CDKAL1: variants seen among roughly 807,000 people sequenced by gnomAD.
CDKAL1 encodes the protein CDKAL1 threonylcarbamoyladenosine tRNA methylthiotransferase.
CDKAL1 carries 32 observed loss-of-function variants against 68.2 expected under a neutral mutation model. The ratio of observed to expected loss-of-function variants is 0.47; its 90% CI spans 0.35 to 0.63. CDKAL1 has a LOEUF of 0.63. Among genes scored for constraint, CDKAL1 ranks in the 30% least tolerant of loss-of-function variants. CDKAL1 has a pLI of 0.00. For missense variants in CDKAL1, 606 were observed against 696.7 expected (o/e 0.87, Z 1.47); for synonymous variants, 234 against 244.3 (o/e 0.96, Z 0.39).
chr6:20,724,437 C>G (rs966615054), intron 5 of CDKAL1, among the ~76,000 whole-genome samples: 1 of 152,046 alleles, frequency 6.6e-6, no homozygotes, highest in Non-Finnish European at 1.5e-5. Flanking sequence ...AAATTTGAGA[C>G]CAGGTACAGT....
At chr6:21,033,972 A>AAGCAGCAGC (rs35161624) in intron 11 of CDKAL1, among the ~76,000 whole-genome samples, 1 of 151,520 alleles carries the variant, frequency 6.6e-6, no homozygotes, top group Non-Finnish European at 1.5e-5. Flanking sequence ...AATAGTGAGG[A>AAGCAGCAGC]AGCAGCAGCA....
chr6:20,586,526 T>C (rs1379592967), intron 4 of CDKAL1, among the ~76,000 whole-genome samples: 2 of 152,066 alleles, frequency 1.3e-5, no homozygotes, highest in Non-Finnish European at 2.9e-5. Flanking sequence ...TAATCCCAGC[T>C]ACTTGAGAGG....
At chr6:20,722,450 C>T in intron 5 of CDKAL1, 1 of 297,864 alleles carries the variant, frequency 3.4e-6, no homozygotes, top group South Asian at 3.9e-5. Context: ...AGCCTCATCA[C>T]AGTCTTCTTT....
chr6:20,695,490 C>A (rs76209409), intron 5 of CDKAL1, among the ~76,000 whole-genome samples: 2,278 of 152,242 alleles, frequency 0.015, 47 homozygotes, highest in African/African-American at 0.052. Context: ...AAATACACAT[C>A]ATTTTCTCCA....
At chr6:20,955,978 T>G (rs1393141134) in intron 10 of CDKAL1, among the ~76,000 whole-genome samples, 2 of 152,192 alleles carry the variant, frequency 1.3e-5, no homozygotes, top group Non-Finnish European at 2.9e-5. Context: ...AAACTACTGT[T>G]AGCCATATCA....
intron 10 of CDKAL1, among the ~76,000 whole-genome samples, chr6:20,992,332 G>T (rs1766873420): frequency 6.6e-6 from 1 of 151,874 alleles, no homozygotes; most frequent in Non-Finnish European, 1.5e-5. Flanking sequence ...CTCCCAAAGT[G>T]CTGGGATTAC....
chr6:20,821,824 G>C (rs1366103612), intron 8 of CDKAL1, among the ~76,000 whole-genome samples: 1 of 152,118 alleles, frequency 6.6e-6, no homozygotes, highest in Non-Finnish European at 1.5e-5. Context: ...CTTGGTACCT[G>C]ACATAAAATA....
intron 8 of CDKAL1, among the ~76,000 whole-genome samples, chr6:20,843,172 T>A (rs553287374): frequency 6.6e-6 from 1 of 152,104 alleles, no homozygotes; most frequent in Admixed American, 6.6e-5. Flanking sequence ...AATTATTTCC[T>A]CACAGAATTG....
At chr6:20,892,578 A>G (rs1388144279) in intron 9 of CDKAL1, among the ~76,000 whole-genome samples, 1 of 152,156 alleles carries the variant, frequency 6.6e-6, no homozygotes, top group Non-Finnish European at 1.5e-5. Context: ...CGTATTGTAT[A>G]TTTATATATT....
At chr6:20,885,256 C>T (rs560955222) in intron 9 of CDKAL1, among the ~76,000 whole-genome samples, 3 of 152,260 alleles carry the variant, frequency 2.0e-5, no homozygotes, top group African/African-American at 7.2e-5. Flanking sequence ...ACTCACACTC[C>T]CCAATTTCAG....
intron 13 of CDKAL1, among the ~76,000 whole-genome samples, chr6:21,186,555 A>C (rs879746165): frequency 9.9e-5 from 15 of 152,236 alleles, no homozygotes; most frequent in Admixed American, 2.0e-4. Flanking sequence ...CCCTAAAAAC[A>C]GTGAGCAAGC....
intron 6 of CDKAL1, among the ~76,000 whole-genome samples, chr6:20,740,605 A>G (rs1773411894): frequency 6.6e-6 from 1 of 152,194 alleles, no homozygotes; most frequent in Non-Finnish European, 1.5e-5. Flanking sequence ...AAGTTTACAT[A>G]ATTAATTGGC....
intron 4 of CDKAL1, among the ~76,000 whole-genome samples, chr6:20,562,248 G>GT (rs77179708): frequency 0.26 from 39,813 of 151,620 alleles, 5,518 homozygotes; most frequent in Middle Eastern, 0.37. Context: ...CATTCTCTTT[G>GT]TTTTTTTTCT....
At chr6:20,715,865 A>G (rs1772066767) in intron 5 of CDKAL1, among the ~76,000 whole-genome samples, 1 of 152,168 alleles carries the variant, frequency 6.6e-6, no homozygotes, top group Non-Finnish European at 1.5e-5. Context: ...CATTAATGAA[A>G]ACTTCGTTTT....
chr6:21,069,713 A>G (rs2150939774), intron 12 of CDKAL1, among the ~76,000 whole-genome samples: 1 of 151,198 alleles, frequency 6.6e-6, no homozygotes, highest in South Asian at 2.1e-4. Context: ...GTATAGAAGT[A>G]AAGTATTTCT....
intron 4 of CDKAL1, among the ~76,000 whole-genome samples, chr6:20,643,093 C>G (rs562890095): frequency 1.3e-5 from 2 of 152,212 alleles, no homozygotes; most frequent in African/African-American, 4.8e-5. Flanking sequence ...TCAGAGGTTA[C>G]GAGCACTCTA....
chr6:21,079,976 C>CTGTGTGTGTGTGTG (rs764266426), intron 12 of CDKAL1, among the ~76,000 whole-genome samples: 13,754 of 135,666 alleles, frequency 0.1, 819 homozygotes, highest in East Asian at 0.12. Flanking sequence ...AACTTTGTCT[C>CTGTGTGTGTGTGTG]TGTGTGTGTG....
intron 10 of CDKAL1, among the ~76,000 whole-genome samples, chr6:20,970,722 A>G (rs951335684): frequency 6.6e-6 from 1 of 152,244 alleles, no homozygotes; most frequent in African/African-American, 2.4e-5. Flanking sequence ...GAAAGCATGG[A>G]GACTTACAGA....
intron 13 of CDKAL1, among the ~76,000 whole-genome samples, chr6:21,156,230 G>A (rs1051118854): frequency 6.6e-6 from 1 of 151,972 alleles, no homozygotes; most frequent in Non-Finnish European, 1.5e-5. Context: ...AGACCAGCCT[G>A]GGCAACATGG....
Sources: gnomAD v4.1 joint callset for allele counts (sites outside exome capture counted in the v4.1 genomes callset) on GRCh38, gnomAD v4.1.1 for gene constraint, MANE v1.5 for transcripts, NCBI Gene and HGNC (gene_info 2026-07-23, HGNC 2026-07-21) for gene names.